SLC5A6: variants seen among roughly 807,000 people sequenced by gnomAD.
SLC5A6 encodes the protein sodium-dependent multivitamin transporter.
SLC5A6 carries 31 observed loss-of-function variants against 67.9 expected under a neutral mutation model. The ratio of observed to expected loss-of-function variants is 0.46; its 90% CI spans 0.34 to 0.62. The LOEUF (loss-of-function observed/expected upper bound fraction) is 0.62, where lower values mean the gene tolerates loss of function less well. Ranked by LOEUF, SLC5A6 falls within the 20% of genes least tolerant of loss-of-function variation. SLC5A6 has a pLI of 0.01. For synonymous variants in SLC5A6, 343 were observed against 331.0 expected (o/e 1.04, Z -0.39); for missense variants, 673 against 812.8 (o/e 0.83, Z 2.09).
At chr2:27,202,229 C>T (rs760082548) in intron 12 of SLC5A6, among the ~76,000 whole-genome samples, 155 bp from the exon 13 acceptor site, 2 of 152,100 alleles carry the variant, frequency 1.3e-5, no homozygotes, top group South Asian at 4.1e-4. Context: ...GGTGGCCGAG[C>T]GGTGGCTCAT....
At chr2:27,211,954 AGCCCGCGGGG>A (rs894634995) in intron 1 of SLC5A6, 56 bp downstream of exon 1, 6 of 428,980 alleles carry the variant, frequency 1.4e-5, no homozygotes, top group African/African-American at 8.8e-5. Context: ...CCTGGCCGGG[AGCCCGCGGGG>A]GCCCCGCCCC....
chr2:27,200,721 G>T (rs1247894984), intron 16 of SLC5A6, 142 bp from the exon 17 acceptor site: 3 of 713,528 alleles, frequency 4.2e-6, no homozygotes, highest in Non-Finnish European at 7.0e-6. Flanking sequence ...AAGAGGGAGG[G>T]CATAGCACAG....
Position 27,204,603 on chromosome 2 carries a change from T to A in SLC5A6, c.876-13A>T. ...TGCATAACAGGAGCTGCAAAAGAGG[T>A]CAGTGCCAGGAGGAGAGCCGGCGTT... On this transcript the variant is annotated splice_polypyrimidine_tract_variant and intron_variant, in intron 8 of 16. Coordinates refer to ENST00000310574, the MANE Select transcript of SLC5A6 (RefSeq NM_021095.4). 1 of 1,613,412 alleles carries A rather than the reference T, an allele frequency of 6.2e-7. No homozygotes were observed.
Position 27,204,503 on chromosome 2 carries a change from C to G in SLC5A6, c.963G>C (p.Glu321Asp). ...GAGCCTGCTGAATGCTCATGGGATA[C>G]TCCTGGTAATACGCGAACATGACCA... is the stretch of plus-strand genomic sequence containing the variant. ...IGLVMFAYYQ[E>D]YPMSIQQAQA... The change falls in exon 9 of 17, where the codon GAG (glutamate) becomes GAC (aspartate). Residue 321 changes from glutamate (E) to aspartate (D), a missense_variant. By Grantham distance (45) the Glu-to-Asp change is conservative. Coordinates refer to ENST00000310574, the MANE Select transcript of SLC5A6 (RefSeq NM_021095.4). 2 of 1,614,052 alleles carry G rather than the reference C, an allele frequency of 1.2e-6. No individual in the cohort carries two copies. Among genetic ancestry groups the G allele is most frequent in the Non-Finnish European group, 1.7e-6 (2 of 1,179,948 alleles).
At chr2:27,202,727 C>A in intron 12 of SLC5A6, 86 bp downstream of exon 12, 1 of 1,189,272 alleles carries the variant, frequency 8.4e-7, no homozygotes, top group Non-Finnish European at 1.3e-6. Flanking sequence ...GGTCATTCCC[C>A]TCAATATAGC....
chr2:27,212,607 G>A (rs904913335), upstream of SLC5A6: 5 of 1,433,784 alleles, frequency 3.5e-6, no homozygotes, highest in Non-Finnish European at 4.5e-6. Context: ...TGCCCAGCCA[G>A]GTCCTGTTCC....
rs1274229093 is a variant in SLC5A6, at chr2:27,200,016, G to T, written c.*420C>A. 1 of 156,618 alleles carries T rather than the reference G, an allele frequency of 6.4e-6. No individual in the cohort carries two copies. The highest frequency in any genetic ancestry group is 2.4e-5 in the African/African-American group (1 of 41,578). 9.7% of individuals were successfully genotyped at this position (156,618 alleles called of 1,614,324 possible). On this transcript the variant is annotated 3_prime_UTR_variant, in exon 17 of 17. Coordinates refer to ENST00000310574, the MANE Select transcript of SLC5A6 (RefSeq NM_021095.4). The stretch of plus-strand genomic sequence containing the variant: ...CTGGTACTGAAATGGGGACTACAGG[G>T]GAAGCAGCTTCCAGTTTTATGGTGG...
rs146071245 is a variant in SLC5A6 at position 27,203,258 on chromosome 2, C to A, written c.1182G>T (p.Arg394=). The A allele has an allele frequency of 1.6e-4, 265 of 1,613,870 alleles. 3 individuals are homozygous for A. The highest frequency in any genetic ancestry group is 6.6e-4 in the Middle Eastern group (4 of 6,084). Reference sequence around the variant, plus strand: ...CAAGGCCTCTGGAAAGCATGATGGCCCGGGCTTCAGAGAACTCAGGGAACC... The same window carrying A: ...CAAGGCCTCTGGAAAGCATGATGGCACGGGCTTCAGAGAACTCAGGGAACC... ...RPWFPEFSEA[R]AIMLSRGLAF... The change falls in exon 11 of 17, where the codon CGG becomes CGT. Residue 394 remains arginine, a synonymous_variant. Transcript: ENST00000310574.
chr2:27,208,912 G>A (rs1486659914), intron 2 of SLC5A6, among the ~76,000 whole-genome samples: 5 of 152,184 alleles, frequency 3.3e-5, no homozygotes, highest in African/African-American at 7.2e-5. Context: ...CACTCTGTGC[G>A]GGAGGGAGTT....
intron 6 of SLC5A6, 84 bp downstream of exon 6, chr2:27,205,942 C>G (rs954612505): frequency 9.7e-7 from 1 of 1,032,716 alleles, no homozygotes; most frequent in Non-Finnish European, 1.5e-6. Context: ...ATATTCTCAG[C>G]TTATCTCTTC....
chr2:27,205,242 C>A, intron 7 of SLC5A6, 108 bp downstream of exon 7: 1 of 1,155,380 alleles, frequency 8.7e-7, no homozygotes, highest in Non-Finnish European at 1.2e-6. Flanking sequence ...GCTGTTACAC[C>A]TCAGGCTTCC....
chr2:27,203,651 C>A, intron 10 of SLC5A6, 128 bp downstream of exon 10: 1 of 730,056 alleles, frequency 1.4e-6, no homozygotes, highest in Non-Finnish European at 2.4e-6. Flanking sequence ...GTCATGCACA[C>A]AGATGGGGCA....
At position 27,200,261 on chromosome 2, in the gene SLC5A6, G is replaced by C. The variant is rs891214529; in HGVS notation, c.*175C>G. ...GAGAAAAACGGTGCCTCACATGCTT[G>C]AGATGTGACAGCTTCTCCTGCAGGC... On this transcript the variant is annotated 3_prime_UTR_variant, in exon 17 of 17. Coordinates refer to ENST00000310574, the MANE Select transcript of SLC5A6 (RefSeq NM_021095.4). The C allele has an allele frequency of 2.0e-5, 11 of 537,754 alleles. No individual in the cohort carries two copies. The Admixed American group carries it at 2.6e-4, about 13-fold the overall frequency. The allele number at this position is 537,754 out of a possible 1,614,324, so 33.3% of individuals were successfully genotyped here.
At position 27,202,657 on chromosome 2, in the gene SLC5A6, TGCAAGTCTGTTCACAGTAAA is replaced by T. The variant is rs551328913; in HGVS notation, c.1275+136_1275+155del. The stretch of plus-strand genomic sequence containing the variant: ...AATGACCCTGCGTCCTCTGGCTGCT[TGCAAGTCTGTTCACAGTAAA>T]GACGGTCCATCAAAGGGGAATCTCT... On this transcript the variant is annotated intron_variant, in intron 12 of 16. Coordinates refer to ENST00000310574, the MANE Select transcript of SLC5A6 (RefSeq NM_021095.4). 2.6e-5 allele frequency among the ~76,000 whole-genome samples: 4 copies of T among 152,172 alleles called. No individual in the cohort carries two copies. In the East Asian group the frequency reaches 7.7e-4, roughly 29 times the overall value.
chr2:27,203,037 A>T (rs1673772791), intron 11 of SLC5A6, 157 bp from the exon 12 acceptor site: 10 of 1,494,896 alleles, frequency 6.7e-6, no homozygotes, highest in Non-Finnish European at 7.1e-6. Context: ...CCAAGTCCTC[A>T]CTCCTATGTG....
chr2:27,201,963 C>T (rs1225813560), intron 13 of SLC5A6, 25 bp downstream of exon 13: 3 of 1,610,022 alleles, frequency 1.9e-6, no homozygotes, highest in Non-Finnish European at 1.7e-6. Flanking sequence ...CTACACATGA[C>T]TGTGGATCCA....
Position 27,207,166 on chromosome 2 carries a change from A to T in SLC5A6, c.393+92T>A. On this transcript the variant is annotated intron_variant, in intron 3 of 16. Coordinates refer to ENST00000310574, the MANE Select transcript of SLC5A6 (RefSeq NM_021095.4). This position sits in a 1 kb window ranked among gnomAD's most constrained non-coding sequence, Gnocchi z 5.5. Reference sequence around the variant, plus strand: ...TTCTGTCCCTCTCATTAGGTGGAGGAGGTCTAGGGTCCCAGGTCCTTCCTA... The same window carrying T: ...TTCTGTCCCTCTCATTAGGTGGAGGTGGTCTAGGGTCCCAGGTCCTTCCTA... 7.5e-7 allele frequency: 1 copy of T among 1,329,440 alleles called. No individual in the cohort carries two copies. The allele number at this position is 1,329,440 out of a possible 1,614,324, so 82.4% of individuals were successfully genotyped here. A position where few individuals can be genotyped will look rare whatever the true frequency, so the allele number is the denominator to read the frequency against.
intron 9 of SLC5A6, among the ~76,000 whole-genome samples, chr2:27,204,083 C>T (rs1198897374): frequency 2.6e-5 from 4 of 152,140 alleles, no homozygotes; most frequent in Non-Finnish European, 4.4e-5. Flanking sequence ...ACAATTCGCC[C>T]GCAGCTCTGT....
At position 27,207,329 on chromosome 2, in the gene SLC5A6, G is replaced by C; in HGVS notation, c.322C>G (p.Leu108Val). The change falls in exon 3 of 17, where the codon CTG becomes GTG. Residue 108 changes from leucine to valine, a missense_variant. Leu to Val is a conservative substitution (Grantham distance 32). Coordinates refer to ENST00000310574, the MANE Select transcript of SLC5A6 (RefSeq NM_021095.4). The surrounding 1 kb of genome is among the most constrained non-coding windows in gnomAD (Gnocchi z 5.5). ...QYWFLGCCYF[L>V]GLLIPAHIFI... ...ATGTGTGCAGGTATCAGCAGCCCCA[G>C]AAAGTAGCAGCAGCCCAGGAACCAA... 4 of 1,614,130 alleles carry C rather than the reference G, an allele frequency of 2.5e-6. No individual in the cohort carries two copies. Among genetic ancestry groups the C allele is most frequent in the South Asian group, 1.1e-5 (1 of 91,080 alleles).
Sources: allele counts gnomAD v4.1 joint callset (sites outside exome capture counted in the v4.1 genomes callset), GRCh38; gene constraint gnomAD v4.1.1; non-coding constraint Gnocchi (gnomAD v3.1); transcripts MANE v1.5; gene names NCBI Gene and HGNC (gene_info 2026-07-23, HGNC 2026-07-21).